The following TEP1 variants were observed in gnomAD, a reference collection of about 807,000 sequenced individuals.
The protein encoded by TEP1 is telomerase protein component 1.
TEP1 carries 241 observed loss-of-function variants against 306.3 expected under a neutral mutation model. The observed-to-expected ratio is 0.79, with a 90% CI of 0.71 to 0.88. The LOEUF (loss-of-function observed/expected upper bound fraction) is 0.88. TEP1 is among the 40% of genes least tolerant of loss of function. TEP1 has a pLI of 0.00. For synonymous variants in TEP1, 1,289 were observed against 1,305.5 expected (o/e 0.99, Z 0.27); for missense variants, 3,051 against 3,276.1 (o/e 0.93, Z 1.68).
chr14:20,387,551 C>CAAAAAAAAAAAAAAAAAAAAAAAAAAAAA (rs34816712), intron 18 of TEP1, among the ~76,000 whole-genome samples: 11 of 127,714 alleles, frequency 8.6e-5, no homozygotes, highest in South Asian at 2.8e-4. Flanking sequence ...GACTCCGTCT[C>CAAAAAAAAAAAAAAAAAAAAAAAAAAAAA]AAAAAAAAAA....
chr14:20,372,971 G>C, intron 48 of TEP1, 40 bp downstream of exon 48: 2 of 1,613,930 alleles, frequency 1.2e-6, no homozygotes, highest in Non-Finnish European at 8.5e-7. Flanking sequence ...AGCCAGGGTA[G>C]AATTCACACA....
At chr14:20,369,216 G>A in intron 53 of TEP1, 128 bp downstream of exon 53, 1 of 927,034 alleles carries the variant, frequency 1.1e-6, no homozygotes, top group Non-Finnish European at 1.7e-6. Context: ...CACCGTGTTA[G>A]CCAGGATGGT....
Position 20,373,086 on chromosome 14 carries a change from A to G in TEP1, c.6876T>C (p.Gly2292=). 6.2e-7 allele frequency: 1 copy of G among 1,614,132 alleles called. No individual in the cohort carries two copies. Among genetic ancestry groups the G allele is most frequent in the Non-Finnish European group, 8.5e-7 (1 of 1,180,038 alleles). The change falls in exon 48 of 55, where the codon GGT becomes GGC. Residue 2292 remains glycine (G), a synonymous_variant. Coordinates refer to ENST00000262715, the MANE Select transcript of TEP1 (RefSeq NM_007110.5). Reference sequence around the variant, plus strand: ...CTTGATTTCCAGATACTGCCATGGAACCATCTGGTGCCCAAGCCACAGCAG... The same window carrying G: ...CTTGATTTCCAGATACTGCCATGGAGCCATCTGGTGCCCAAGCCACAGCAG... The part of the protein sequence containing the change: ...AVTAVAWAPD[G]SMAVSGNQAG...
At chr14:20,387,033 C>T (rs952754397) in intron 18 of TEP1, among the ~76,000 whole-genome samples, 2 of 151,296 alleles carry the variant, frequency 1.3e-5, no homozygotes, top group African/African-American at 4.9e-5. Context: ...CTCCAGGGTT[C>T]AAGCAATTCT....
intron 19 of TEP1, 69 bp from the exon 20 acceptor site, chr14:20,386,264 CAG>C: frequency 6.2e-7 from 1 of 1,606,864 alleles, no homozygotes; most frequent in Admixed American, 1.7e-5. Flanking sequence ...TAGGCACAAA[CAG>C]GGAGACGGGG....
chr14:20,378,192 A>G lies in TEP1; in HGVS notation c.5553T>C (p.Asn1851=). Residue 1851 remains asparagine (N), a synonymous_variant, in exon 39 of 55, where the codon AAT becomes AAC. Coordinates refer to ENST00000262715, the MANE Select transcript of TEP1 (RefSeq NM_007110.5). The part of the protein sequence containing the change: ...PGASIRTLAF[N]VPGGVVAVGR... ...CCACAGCCACAACCCCCCCAGGCACATTGAAGGCCAAGGTACGGATAGAGG... is the reference window on the plus strand; with the variant it reads ...CCACAGCCACAACCCCCCCAGGCACGTTGAAGGCCAAGGTACGGATAGAGG... 2 of 1,613,802 alleles carry G rather than the reference A, an allele frequency of 1.2e-6. No individual in the cohort carries two copies. Among genetic ancestry groups the G allele is most frequent in the Non-Finnish European group, 1.7e-6 (2 of 1,180,020 alleles).
Position 20,377,668 on chromosome 14 carries a change from C to T in TEP1, c.5807G>A (p.Ser1936Asn). The T allele has an allele frequency of 6.2e-7, 1 of 1,614,152 alleles. No homozygotes were observed. The highest frequency in any genetic ancestry group is 2.2e-5 in the East Asian group (1 of 44,880). Residue 1936 changes from serine to asparagine, a missense_variant, in exon 40 of 55, where the codon AGC (serine) becomes AAC (asparagine). Ser to Asn is a conservative substitution (Grantham distance 46). Coordinates refer to ENST00000262715, the MANE Select transcript of TEP1 (RefSeq NM_007110.5). ...SLSPALSVAL[S>N]PDGDRVAVGY... ...AACAGCCACCCGATCACCATCTGGG[C>T]TGAGTGCCACAGAGAGGGCAGGAGA...
At chr14:20,412,356 A>T (rs186514617) in intron 1 of TEP1, among the ~76,000 whole-genome samples, 4 of 152,248 alleles carry the variant, frequency 2.6e-5, no homozygotes, top group Admixed American at 2.0e-4. Flanking sequence ...TCCTATCCTT[A>T]AAAGGACAGT....
Position 20,373,744 on chromosome 14 carries a change from G to C in TEP1, c.6538C>G (p.Leu2180Val). The change falls in exon 45 of 55, where the codon CTG becomes GTG. Residue 2180 changes from leucine to valine, a missense_variant. Around this residue, in one of 3 missense-constraint regions of TEP1, gnomAD observed 1,540 missense variants for 1,705.9 expected, o/e 0.90. Coordinates refer to ENST00000262715, the MANE Select transcript of TEP1 (RefSeq NM_007110.5). ...CCTGAGTGAGCAGGGATGCTGGTCA[G>C]CTCCACGCCTTGATGGTCCCACACT... is the stretch of plus-strand genomic sequence containing the variant. ...LKVWDHQGVE[L>V]TSIPAHSGPI... 1 of 1,614,184 alleles carries C rather than the reference G, an allele frequency of 6.2e-7. No individual in the cohort carries two copies. Among genetic ancestry groups the C allele is most frequent in the Non-Finnish European group, 8.5e-7 (1 of 1,180,032 alleles).
chr14:20,404,725 A>G lies in TEP1; in HGVS notation c.918T>C (p.Asn306=), dbSNP rs564800860. The change falls in exon 5 of 55, where the codon AAT becomes AAC. Residue 306 remains asparagine (N), a synonymous_variant. Coordinates refer to ENST00000262715, the MANE Select transcript of TEP1 (RefSeq NM_007110.5). ...AGAAAGCAGCAATGGCCAAGATGTT[A>G]TTGGCCACATTCCGGACGTTCAGCT... ...RQQLNVRNVA[N]NILAIAAFLP... 2.5e-6 allele frequency: 4 copies of G among 1,614,004 alleles called. No individual in the cohort carries two copies. The highest frequency in any genetic ancestry group is 3.4e-6 in the Non-Finnish European group (4 of 1,179,938).
chr14:20,403,365 G>A lies in TEP1; in HGVS notation c.1266+12C>T. 3 of 1,613,914 alleles carry A rather than the reference G, an allele frequency of 1.9e-6. No homozygotes were observed. Among genetic ancestry groups the A allele is most frequent in the South Asian group, 1.1e-5 (1 of 91,042 alleles). ...TACATGCACATATACAACCCCAGAA[G>A]AAGGGACTCACCTTTCTCTGCTCTT... On this transcript the variant is annotated intron_variant, in intron 7 of 54. Transcript: ENST00000262715.
chr14:20,410,157 TTTG>T (rs1206451627), intron 1 of TEP1, among the ~76,000 whole-genome samples: 1 of 152,042 alleles, frequency 6.6e-6, no homozygotes, highest in African/African-American at 2.4e-5. Flanking sequence ...GCTATTATTA[TTTG>T]TTATTATTAT....
intron 7 of TEP1, among the ~76,000 whole-genome samples, chr14:20,402,280 C>T (rs1176189085): frequency 1.3e-5 from 2 of 152,096 alleles, no homozygotes. Flanking sequence ...TGCACTCCAG[C>T]CTGGGCTACA....
rs760908880 is a variant in TEP1, at chr14:20,380,486, G to A, written c.4763-11C>T. The A allele has an allele frequency of 1.9e-6, 3 of 1,604,596 alleles. No individual in the cohort carries two copies. The highest frequency in any genetic ancestry group is 2.5e-6 in the Non-Finnish European group (3 of 1,176,674). On this transcript the variant is annotated splice_polypyrimidine_tract_variant and intron_variant, in intron 33 of 54. Coordinates refer to ENST00000262715, the MANE Select transcript of TEP1 (RefSeq NM_007110.5). ...TGGGGACTGAAGAAGCTATAAAAGG[G>A]TGGCAGAATGTCACTGGGGAGCCAG...
chr14:20,397,901 C>A (rs1878335013), intron 9 of TEP1, among the ~76,000 whole-genome samples: 1 of 151,980 alleles, frequency 6.6e-6, no homozygotes, highest in South Asian at 2.1e-4. Flanking sequence ...TACAAGTGCT[C>A]ACCACCATGC....
chr14:20,379,063 A>T lies in TEP1; in HGVS notation c.5170T>A (p.Cys1724Ser). The T allele has an allele frequency of 6.2e-7, 1 of 1,614,174 alleles. No individual in the cohort carries two copies. The highest frequency in any genetic ancestry group is 1.1e-5 in the South Asian group (1 of 91,086). ...AGTGTATCATCGGAGAGGAACAAACAAGCAGAGATTCCATCACAGCCACTC... is the reference window on the plus strand; with the variant it reads ...AGTGTATCATCGGAGAGGAACAAACTAGCAGAGATTCCATCACAGCCACTC... The part of the protein sequence containing the change: ...VVSGCDGISA[C>S]LFLSDDTLFL... The change falls in exon 36 of 55, where the codon TGT becomes AGT. Residue 1724 changes from cysteine (C) to serine (S), a missense_variant. By Grantham distance (112) the Cys-to-Ser change is moderately radical. Transcript: ENST00000262715.
In TEP1 at chr14:20,381,543, C is replaced by T. The variant is rs372659024; in HGVS notation, c.4558+10G>A. 2.4e-5 allele frequency: 39 copies of T among 1,613,316 alleles called. No homozygotes were observed. Among genetic ancestry groups the T allele is most frequent in the Middle Eastern group, 1.7e-4 (1 of 6,052 alleles). On this transcript the variant is annotated intron_variant, in intron 31 of 54. Coordinates refer to ENST00000262715, the MANE Select transcript of TEP1 (RefSeq NM_007110.5). The surrounding 1 kb of genome is among the most constrained non-coding windows in gnomAD (Gnocchi z 4.0). Reference sequence around the variant, plus strand: ...CACTCAGTGCCCAGGCTGACTTGGGCTGCAATCACCTGCAATGAGGATGTG... The same window carrying T: ...CACTCAGTGCCCAGGCTGACTTGGGTTGCAATCACCTGCAATGAGGATGTG...
rs200623960 is a variant in TEP1, at chr14:20,387,863, C to T, written c.2684+42G>A. The stretch of plus-strand genomic sequence containing the variant: ...CCCAGGGTTTCCCAAGGTTTGACTG[C>T]AGCCCCTCCCAATTCACAAAGGCAT... On this transcript the variant is annotated intron_variant, in intron 18 of 54. Coordinates refer to ENST00000262715, the MANE Select transcript of TEP1 (RefSeq NM_007110.5). 5.2e-5 allele frequency: 80 copies of T among 1,552,122 alleles called. No homozygotes were observed. In the African/African-American group the frequency reaches 9.4e-4, roughly 18 times the overall value.
intron 43 of TEP1, among the ~76,000 whole-genome samples, chr14:20,375,270 C>A (rs1175525443): frequency 2.0e-5 from 3 of 152,088 alleles, no homozygotes; most frequent in Admixed American, 1.3e-4. Flanking sequence ...TATTCTCCTG[C>A]CTCAGCCTTC....
Sources: gnomAD v4.1 joint callset for allele counts (sites outside exome capture counted in the v4.1 genomes callset) on GRCh38, gnomAD v4.1.1 for gene constraint, gnomAD v4.1.1 regional missense constraint, Gnocchi (gnomAD v3.1) non-coding constraint, MANE v1.5 for transcripts, NCBI Gene and HGNC (gene_info 2026-07-23, HGNC 2026-07-21) for gene names.